GRIK2: variants seen among roughly 807,000 people sequenced by gnomAD.
The protein encoded by GRIK2 is glutamate receptor ionotropic, kainate 2.
Under a neutral mutation model 100.3 loss-of-function variants are expected in GRIK2, and 32 were observed. The ratio of observed to expected loss-of-function variants is 0.32; its 90% CI spans 0.24 to 0.43. The LOEUF (loss-of-function observed/expected upper bound fraction) is 0.43. Among genes scored for constraint, GRIK2 ranks in the 20% least tolerant of loss-of-function variants. GRIK2 has a pLI of 1.00. For missense variants in GRIK2, 843 were observed against 1,114.9 expected, an observed-to-expected ratio of 0.76 and a Z score of 3.47; for synonymous variants, 417 against 389.4, an observed-to-expected ratio of 1.07 and a Z score of -0.83.
intron 14 of GRIK2, among the ~76,000 whole-genome samples, chr6:101,955,855 T>G (rs1791903029): frequency 6.6e-6 from 1 of 152,128 alleles, no homozygotes; most frequent in Non-Finnish European, 1.5e-5. Flanking sequence ...GGCTTTGTGT[T>G]TCTTTGATTC....
At chr6:102,055,894 A>G (rs1344317508) in intron 16 of GRIK2, among the ~76,000 whole-genome samples, 2 of 151,974 alleles carry the variant, frequency 1.3e-5, no homozygotes, top group Non-Finnish European at 2.9e-5. Flanking sequence ...ATCGTGGTAT[A>G]TGATGAGATA....
chr6:101,527,452 TA>T (rs1259092832), intron 2 of GRIK2, among the ~76,000 whole-genome samples: 2 of 152,196 alleles, frequency 1.3e-5, no homozygotes, highest in Non-Finnish European at 2.9e-5. Context: ...AGATACCTCT[TA>T]TCAAGGCAGA....
chr6:102,034,242 T>TATC (rs955551490), intron 14 of GRIK2, among the ~76,000 whole-genome samples: 35 of 151,400 alleles, frequency 2.3e-4, no homozygotes, highest in African/African-American at 8.2e-4. Context: ...ATTTCCATTT[T>TATC]ATCATTGAAA....
chr6:101,428,654 C>A (rs1769196665), intron 2 of GRIK2, among the ~76,000 whole-genome samples: 1 of 151,730 alleles, frequency 6.6e-6, no homozygotes, highest in Non-Finnish European at 1.5e-5. Context: ...GACAAAGAAC[C>A]AAGTTTGAAT....
At chr6:101,491,350 G>A (rs1773101524) in intron 2 of GRIK2, among the ~76,000 whole-genome samples, 1 of 151,168 alleles carries the variant, frequency 6.6e-6, no homozygotes, top group African/African-American at 2.4e-5. Context: ...TACCGTCAAT[G>A]TGGATGGCCT....
chr6:101,989,884 T>C (rs1335040), intron 14 of GRIK2, among the ~76,000 whole-genome samples: 99,239 of 150,964 alleles, frequency 0.66, 34,809 homozygotes, highest in South Asian at 0.8. Flanking sequence ...TGAACACTTT[T>C]ATCAAATTAA....
At chr6:101,532,444 A>G (rs1346664339) in intron 2 of GRIK2, among the ~76,000 whole-genome samples, 4 of 151,892 alleles carry the variant, frequency 2.6e-5, no homozygotes, top group African/African-American at 9.7e-5. Context: ...TAGAATAGAG[A>G]CTTAGTTATT....
At chr6:101,439,851 G>A (rs914422388) in intron 2 of GRIK2, among the ~76,000 whole-genome samples, 1 of 151,998 alleles carries the variant, frequency 6.6e-6, no homozygotes, top group African/African-American at 2.4e-5. Context: ...GAACTTAAAT[G>A]CAATTTATGA....
At chr6:101,580,009 A>C (rs926124935) in intron 2 of GRIK2, among the ~76,000 whole-genome samples, 3 of 151,988 alleles carry the variant, frequency 2.0e-5, no homozygotes, top group Non-Finnish European at 4.4e-5. Context: ...TTATCACTAC[A>C]TTTTGGAAAG....
chr6:101,890,941 A>T (rs1028805635), intron 12 of GRIK2, among the ~76,000 whole-genome samples: 2 of 149,850 alleles, frequency 1.3e-5, no homozygotes, highest in African/African-American at 2.4e-5. Context: ...TCTACACATA[A>T]TTTTTCATGG....
At chr6:101,816,248 A>G (rs1183366031) in intron 9 of GRIK2, among the ~76,000 whole-genome samples, 11 of 152,236 alleles carry the variant, frequency 7.2e-5, no homozygotes, top group African/African-American at 2.7e-4. Flanking sequence ...ATATTAAAAA[A>G]AAAAGTAAAA....
chr6:101,582,327 G>A (rs1778142841), intron 2 of GRIK2, among the ~76,000 whole-genome samples: 1 of 151,962 alleles, frequency 6.6e-6, no homozygotes, highest in African/African-American at 2.4e-5. Context: ...GTGGTGTTTG[G>A]TTTTCTGTTT....
chr6:101,914,998 A>G (rs2128467018), intron 12 of GRIK2, among the ~76,000 whole-genome samples: 1 of 151,594 alleles, frequency 6.6e-6, no homozygotes, highest in East Asian at 1.9e-4. Flanking sequence ...AAAACGCATT[A>G]TAGCCTTAAC....
chr6:101,628,131 G>A (rs1408930086), intron 4 of GRIK2, among the ~76,000 whole-genome samples: 1 of 151,970 alleles, frequency 6.6e-6, no homozygotes, highest in Non-Finnish European at 1.5e-5. Context: ...CTCAAAGTAT[G>A]CCAGGAGCAC....
intron 14 of GRIK2, among the ~76,000 whole-genome samples, chr6:101,976,115 C>T (rs2128487593): frequency 6.6e-6 from 1 of 151,782 alleles, no homozygotes; most frequent in African/African-American, 2.4e-5. Context: ...GTAGCAAGAT[C>T]CGACATTTCA....
chr6:101,806,021 A>G (rs906695149), intron 9 of GRIK2, among the ~76,000 whole-genome samples: 1 of 152,020 alleles, frequency 6.6e-6, no homozygotes, highest in Non-Finnish European at 1.5e-5. Context: ...AGAAGCCTTA[A>G]TTGGAACCCA....
chr6:101,539,892 C>T (rs867014381), intron 2 of GRIK2, among the ~76,000 whole-genome samples: 20 of 151,634 alleles, frequency 1.3e-4, no homozygotes, highest in Admixed American at 4.6e-4. Flanking sequence ...TCAGTTTTGT[C>T]GCAGCAAGTT....
Position 101,548,352 on chromosome 6 carries a change from T to C in GRIK2, c.116-73597T>C, listed in dbSNP as rs142840691. ...AGATCCCATTTGTCAATTTTGGCTT[T>C]TGTTGCCATTGCTTTTGGTGTTTTA... On this transcript the variant is annotated intron_variant, in intron 2 of 16. Transcript: ENST00000369134. Among the ~76,000 whole-genome samples, 679 of 152,334 alleles carry C rather than the reference T, an allele frequency of 4.5e-3. 4 individuals are homozygous for C. The highest frequency in any genetic ancestry group is 0.015 in the African/African-American group (624 of 41,574).
chr6:101,426,690 G>T (rs1185422986), intron 2 of GRIK2, among the ~76,000 whole-genome samples: 2 of 152,248 alleles, frequency 1.3e-5, no homozygotes, highest in East Asian at 3.9e-4. Context: ...ATTTGTGCCT[G>T]CCTCTCTCTT....
Sources: gnomAD v4.1 joint callset for allele counts (sites outside exome capture counted in the v4.1 genomes callset) on GRCh38, gnomAD v4.1.1 for gene constraint, MANE v1.5 for transcripts, NCBI Gene and HGNC (gene_info 2026-07-23, HGNC 2026-07-21) for gene names.